Variants in RABGAP1L observed in about 807,000 individuals in gnomAD.
RABGAP1L encodes the protein RAB GTPase activating protein 1 like.
In RABGAP1L, 63 loss-of-function variants were observed where a neutral mutation model predicts 137.7. The observed-to-expected ratio is 0.46, with a 90% CI of 0.37 to 0.56. The LOEUF is 0.56. Among genes scored for constraint, RABGAP1L ranks in the 20% least tolerant of loss-of-function variants. The pLI, the probability that RABGAP1L is intolerant of heterozygous loss-of-function variation, is 0.00. For missense variants in RABGAP1L, 1,095 were observed against 1,244.0 expected, an observed-to-expected ratio of 0.88 and a Z score of 1.80; for synonymous variants, 431 against 433.7, an observed-to-expected ratio of 0.99 and a Z score of 0.08.
intron 17 of RABGAP1L, among the ~76,000 whole-genome samples, chr1:174,737,135 CAT>C (rs1683021646): frequency 6.6e-6 from 1 of 152,196 alleles, no homozygotes; most frequent in African/African-American, 2.4e-5. Flanking sequence ...TGCTCTGCCA[CAT>C]GATTAGACTG....
chr1:174,551,159 A>T lies in RABGAP1L; in HGVS notation c.1711-86216A>T, dbSNP rs1666517562. On this transcript the variant is annotated intron_variant, in intron 13 of 25. Transcript: ENST00000681986. ...GGGAGGCTGAGGTTGCAGTGAGCTGAGATCGCACCACTGCACTCCAGCCTG... is the reference window on the plus strand; with the variant it reads ...GGGAGGCTGAGGTTGCAGTGAGCTGTGATCGCACCACTGCACTCCAGCCTG... 5.3e-5 allele frequency among the ~76,000 whole-genome samples: 8 copies of T among 150,242 alleles called. No individual in the cohort carries two copies. In the South Asian group the frequency reaches 1.7e-3, roughly 32 times the overall value.
intron 13 of RABGAP1L, among the ~76,000 whole-genome samples, chr1:174,619,472 G>A (rs1227648320): frequency 6.6e-6 from 1 of 152,170 alleles, no homozygotes; most frequent in Non-Finnish European, 1.5e-5. Context: ...AGAAGAGAGT[G>A]GGGGCCAATA....
intron 13 of RABGAP1L, among the ~76,000 whole-genome samples, chr1:174,473,239 G>GT (rs920962613): frequency 5.3e-5 from 8 of 152,304 alleles, no homozygotes; most frequent in African/African-American, 1.7e-4. Flanking sequence ...GCTCAAAGAG[G>GT]TAAGATGCCT....
chr1:174,221,457 G>C (rs1194449605), intron 3 of RABGAP1L, among the ~76,000 whole-genome samples: 1 of 152,180 alleles, frequency 6.6e-6, no homozygotes, highest in East Asian at 1.9e-4. Flanking sequence ...GGGTGTCACA[G>C]AATAGTGTAA....
chr1:174,646,872 C>T (rs986439626), intron 14 of RABGAP1L, among the ~76,000 whole-genome samples: 8 of 152,078 alleles, frequency 5.3e-5, no homozygotes, highest in Non-Finnish European at 1.0e-4. Flanking sequence ...TTGTTTGTGT[C>T]CTCTCTTATT....
chr1:174,655,146 A>T (rs1422101908), intron 14 of RABGAP1L, among the ~76,000 whole-genome samples: 1 of 152,134 alleles, frequency 6.6e-6, no homozygotes, highest in Non-Finnish European at 1.5e-5. Flanking sequence ...TCTTATAAAC[A>T]AGGGTATTCT....
chr1:174,241,103 T>C (rs1291742532), intron 4 of RABGAP1L, among the ~76,000 whole-genome samples: 1 of 152,120 alleles, frequency 6.6e-6, no homozygotes, highest in Non-Finnish European at 1.5e-5. Flanking sequence ...GGGGGTCACC[T>C]GTGGTCAGGA....
rs555808581 is a variant in RABGAP1L at position 174,336,446 on chromosome 1, G to A, written c.1465+31319G>A. Among the ~76,000 whole-genome samples the A allele has an allele frequency of 6.8e-4, 103 of 152,296 alleles. 1 individual carries two copies. The highest frequency in any genetic ancestry group is 2.3e-3 in the African/African-American group (94 of 41,558). ...GGCTGAAAATTGTTTATACTTGGAT[G>A]AAAAGGAACTAGAGGATATAGAAAA... On this transcript the variant is annotated intron_variant, in intron 11 of 25. Transcript: ENST00000681986.
At chr1:174,855,361 A>G (rs888962393) in intron 19 of RABGAP1L, among the ~76,000 whole-genome samples, 3 of 152,140 alleles carry the variant, frequency 2.0e-5, no homozygotes, top group East Asian at 3.9e-4. Context: ...CACCTTATTT[A>G]GCTCCAAGAG....
At chr1:174,947,827 T>C (rs1667123395) in intron 19 of RABGAP1L, among the ~76,000 whole-genome samples, 2 of 152,260 alleles carry the variant, frequency 1.3e-5, no homozygotes, top group African/African-American at 2.4e-5. Flanking sequence ...AACTTGATTT[T>C]ATTCTTATAT....
intron 13 of RABGAP1L, among the ~76,000 whole-genome samples, chr1:174,488,342 A>T (rs1474602929): frequency 1.3e-5 from 2 of 151,158 alleles, no homozygotes; most frequent in Non-Finnish European, 2.9e-5. Flanking sequence ...TTAGCAGTTT[A>T]CATATGTCAT....
At chr1:174,952,304 C>A (rs1667825428) in intron 19 of RABGAP1L, among the ~76,000 whole-genome samples, 1 of 138,400 alleles carries the variant, frequency 7.2e-6, no homozygotes. Flanking sequence ...GATTTTGAGA[C>A]CAGCCTGGGC....
At chr1:174,931,359 T>G (rs1239905274) in intron 19 of RABGAP1L, among the ~76,000 whole-genome samples, 3 of 152,208 alleles carry the variant, frequency 2.0e-5, no homozygotes, top group Non-Finnish European at 2.9e-5. Context: ...ATAAGGGAAG[T>G]CATTCCTTAT....
intron 7 of RABGAP1L, among the ~76,000 whole-genome samples, chr1:174,262,268 G>T (rs1161764555): frequency 6.6e-6 from 1 of 152,172 alleles, no homozygotes; most frequent in Non-Finnish European, 1.5e-5. Flanking sequence ...GCTGGCTTCT[G>T]TTGGCACCCA....
intron 13 of RABGAP1L, among the ~76,000 whole-genome samples, chr1:174,398,559 C>T (rs1222952983): frequency 8.6e-5 from 13 of 152,034 alleles, no homozygotes; most frequent in Admixed American, 8.5e-4. Flanking sequence ...TGTCCATGGG[C>T]TGGAAAAAAG....
At chr1:174,471,645 A>G (rs1309879170) in intron 13 of RABGAP1L, among the ~76,000 whole-genome samples, 6 of 152,296 alleles carry the variant, frequency 3.9e-5, no homozygotes, top group East Asian at 1.9e-4. Flanking sequence ...TCTATATACT[A>G]TAGGTGTTGG....
intron 13 of RABGAP1L, among the ~76,000 whole-genome samples, chr1:174,464,041 G>A (rs192849174): frequency 3.7e-4 from 56 of 152,170 alleles, no homozygotes; most frequent in African/African-American, 1.2e-3. Context: ...ATGATTATTT[G>A]ATAGCATTTA....
chr1:174,301,361 G>A (rs367641059), intron 10 of RABGAP1L, among the ~76,000 whole-genome samples: 15 of 149,248 alleles, frequency 1.0e-4, no homozygotes, highest in South Asian at 8.4e-4. Flanking sequence ...TTAACACACC[G>A]CCATCTGGAA....
intron 13 of RABGAP1L, among the ~76,000 whole-genome samples, chr1:174,476,751 T>C (rs1343249889): frequency 6.6e-6 from 1 of 152,216 alleles, no homozygotes; most frequent in Non-Finnish European, 1.5e-5. Flanking sequence ...TATCTATCTC[T>C]GTCTTCAGCA....
Sources: gnomAD v4.1 joint callset for allele counts (sites outside exome capture counted in the v4.1 genomes callset) on GRCh38, gnomAD v4.1.1 for gene constraint, MANE v1.5 for transcripts, NCBI Gene and HGNC (gene_info 2026-07-23, HGNC 2026-07-21) for gene names.